NECAB1: variants seen among roughly 807,000 people sequenced by gnomAD.
NECAB1 encodes the protein N-terminal EF-hand calcium-binding protein 1.
Under a neutral mutation model 57.5 loss-of-function variants are expected in NECAB1, and 29 were observed. That is an observed-to-expected ratio of 0.50 (90% CI 0.38 to 0.69). The LOEUF (loss-of-function observed/expected upper bound fraction) is 0.69, where lower values mean the gene tolerates loss of function less well. NECAB1 is among the 30% of genes least tolerant of loss of function. The pLI, the probability that NECAB1 is intolerant of heterozygous loss-of-function variation, is 0.00. For synonymous variants in NECAB1, 142 were observed against 147.7 expected (o/e 0.96, Z 0.28); for missense variants, 372 against 413.8 (o/e 0.90, Z 0.88).
intron 2 of NECAB1, among the ~76,000 whole-genome samples, chr8:90,818,936 TG>T: frequency 6.6e-6 from 1 of 152,152 alleles, no homozygotes; most frequent in East Asian, 1.9e-4. Flanking sequence ...TATGCATTGT[TG>T]TTTCAGAAAG....
intron 9 of NECAB1, among the ~76,000 whole-genome samples, chr8:90,937,773 T>G (rs969846969): frequency 3.9e-5 from 6 of 152,224 alleles, no homozygotes; most frequent in Non-Finnish European, 8.8e-5. Flanking sequence ...TGTAATACAC[T>G]AAAATAGCTT....
At chr8:90,794,569 A>T (rs188638372) in intron 1 of NECAB1, among the ~76,000 whole-genome samples, 326 of 152,306 alleles carry the variant, frequency 2.1e-3, no homozygotes, top group African/African-American at 7.4e-3. Flanking sequence ...TAATGACATG[A>T]TACATGACCA....
At chr8:90,929,191 T>C (rs1000421231) in intron 8 of NECAB1, among the ~76,000 whole-genome samples, 4 of 152,142 alleles carry the variant, frequency 2.6e-5, no homozygotes, top group African/African-American at 9.7e-5. Flanking sequence ...GACCGAGACA[T>C]GTTAAAGGAA....
chr8:90,824,469 A>C (rs1812192604), intron 2 of NECAB1, among the ~76,000 whole-genome samples: 1 of 151,864 alleles, frequency 6.6e-6, no homozygotes, highest in African/African-American at 2.4e-5. Flanking sequence ...AATGTTTGTC[A>C]TGTGAATAAA....
At chr8:90,892,277 A>G (rs1363266094) in intron 5 of NECAB1, among the ~76,000 whole-genome samples, 1 of 152,020 alleles carries the variant, frequency 6.6e-6, no homozygotes, top group Non-Finnish European at 1.5e-5. Flanking sequence ...TTTTTTCTCT[A>G]TTGTGGGAGA....
At chr8:90,816,080 AT>A (rs1386672523) in intron 2 of NECAB1, among the ~76,000 whole-genome samples, 1 of 151,794 alleles carries the variant, frequency 6.6e-6, no homozygotes, top group Non-Finnish European at 1.5e-5. Context: ...TTTGTATCTC[AT>A]TACTGTTTAA....
At position 90,807,245 on chromosome 8, in the gene NECAB1, T is replaced by C. The variant is rs369911271; in HGVS notation, c.124+5530T>C. Among the ~76,000 whole-genome samples, 21 of 152,380 alleles carry C rather than the reference T, an allele frequency of 1.4e-4. No homozygotes were observed. The South Asian group carries it at 2.9e-3, about 21-fold the overall frequency. ...AATCCTAGCCTAAGAATAGTTGATG[T>C]AGTATTTATGTATTTAGAGATACTT... On this transcript the variant is annotated intron_variant, in intron 2 of 12. Transcript: ENST00000417640.
chr8:90,896,729 A>G lies in NECAB1; in HGVS notation c.357+15599A>G, dbSNP rs149347179. Among the ~76,000 whole-genome samples, 585 of 151,916 alleles carry G rather than the reference A, an allele frequency of 3.9e-3. 4 individuals are homozygous for G. Among genetic ancestry groups the G allele is most frequent in the African/African-American group, 0.014 (562 of 41,426 alleles). ...GTAAAGCAATCTTTTTCGATTATCTACTCCACCCTGACTCATCCTGATTAC... is the reference window on the plus strand; with the variant it reads ...GTAAAGCAATCTTTTTCGATTATCTGCTCCACCCTGACTCATCCTGATTAC... On this transcript the variant is annotated intron_variant, in intron 5 of 12. Coordinates refer to ENST00000417640, the MANE Select transcript of NECAB1 (RefSeq NM_022351.5).
intron 5 of NECAB1, among the ~76,000 whole-genome samples, chr8:90,916,632 G>T (rs1470168680): frequency 6.6e-6 from 1 of 152,126 alleles, no homozygotes; most frequent in African/African-American, 2.4e-5. Flanking sequence ...GATTTCACTG[G>T]CTGGTCCCAT....
At chr8:90,794,104 A>G (rs577813989) in intron 1 of NECAB1, among the ~76,000 whole-genome samples, 230 of 152,308 alleles carry the variant, frequency 1.5e-3, no homozygotes, top group African/African-American at 5.4e-3. Context: ...GCTAGAGTCT[A>G]CAAAAAAAAC....
At chr8:90,835,158 C>G (rs1026522559) in intron 3 of NECAB1, among the ~76,000 whole-genome samples, 1 of 152,096 alleles carries the variant, frequency 6.6e-6, no homozygotes, top group Admixed American at 6.6e-5. Flanking sequence ...CTAAATTCCA[C>G]GAAGGCAGAG....
At position 90,934,323 on chromosome 8, in the gene NECAB1, CAGA is replaced by C. The variant is rs1050858426; in HGVS notation, c.721_723del (p.Glu241del). On this transcript the variant is annotated inframe_deletion, in exon 9 of 13. Coordinates refer to ENST00000417640, the MANE Select transcript of NECAB1 (RefSeq NM_022351.5). ...TTGAAGGATCTCAAACTCGAACCACCAGAAGAAGAAATTATTGAAGGGAATACT... is the reference window on the plus strand; with the variant it reads ...TTGAAGGATCTCAAACTCGAACCACCAGAAGAAATTATTGAAGGGAATACT... 2.0e-6 allele frequency: 3 copies of C among 1,515,252 alleles called. No homozygotes were observed. The highest frequency in any genetic ancestry group is 4.4e-5 in the Admixed American group (2 of 45,438). 93.9% of individuals were successfully genotyped at this position (1,515,252 alleles called of 1,614,324 possible).
chr8:90,860,554 A>T (rs760617128), intron 3 of NECAB1, among the ~76,000 whole-genome samples: 1 of 152,208 alleles, frequency 6.6e-6, no homozygotes, highest in African/African-American at 2.4e-5. Flanking sequence ...TAGATTTAGG[A>T]CATCCTCAGA....
At chr8:90,906,889 A>ATATATATATATATGTATATATATATG (rs1586111008) in intron 5 of NECAB1, among the ~76,000 whole-genome samples, 981 of 72,842 alleles carry the variant, frequency 0.013, 29 homozygotes, top group African/African-American at 0.052. Context: ...ATATATATAT[A>ATATATATATATATGTATATATATATG]TATATATATA....
chr8:90,956,946 G>A lies in NECAB1; in HGVS notation c.*1434G>A, dbSNP rs1031373770. ...TTTGATATATTGTACATACACACGTGTGTGTGTGTGTGTGTGTGTGTGTGT... is the reference window on the plus strand; with the variant it reads ...TTTGATATATTGTACATACACACGTATGTGTGTGTGTGTGTGTGTGTGTGT... On this transcript the variant is annotated 3_prime_UTR_variant, in exon 13 of 13. Coordinates refer to ENST00000417640, the MANE Select transcript of NECAB1 (RefSeq NM_022351.5). 2.0e-5 allele frequency: 1 copy of A among 49,966 alleles called. No homozygotes were observed. Among genetic ancestry groups the A allele is most frequent in the African/African-American group, 9.2e-5 (1 of 10,812 alleles). 3.1% of individuals were successfully genotyped at this position (49,966 alleles called of 1,614,324 possible). A position where few individuals can be genotyped will look rare whatever the true frequency, so the allele number is the denominator to read the frequency against.
At position 90,957,441 on chromosome 8, in the gene NECAB1, C is replaced by G. The variant is rs1055146; in HGVS notation, c.*1929C>G. 2.0e-5 allele frequency: 3 copies of G among 151,416 alleles called. No individual in the cohort carries two copies. The highest frequency in any genetic ancestry group is 4.4e-5 in the Non-Finnish European group (3 of 67,706). The allele number at this position is 151,416 out of a possible 1,614,324, so 9.4% of individuals were successfully genotyped here. On this transcript the variant is annotated 3_prime_UTR_variant, in exon 13 of 13. Transcript: ENST00000417640. Reference sequence around the variant, plus strand: ...GTGGAAGGGATCTGCAGATTCCAAACTGGAATAAGCTCTATCATATTCTGA... The same window carrying G: ...GTGGAAGGGATCTGCAGATTCCAAAGTGGAATAAGCTCTATCATATTCTGA...
chr8:90,911,676 T>A (rs1041230670), intron 5 of NECAB1, among the ~76,000 whole-genome samples: 15 of 152,068 alleles, frequency 9.9e-5, no homozygotes, highest in African/African-American at 3.6e-4. Context: ...TCAGGAAAAT[T>A]AATATTTGTG....
chr8:90,829,475 T>G (rs1455585835), intron 3 of NECAB1, among the ~76,000 whole-genome samples: 2 of 152,058 alleles, frequency 1.3e-5, no homozygotes, highest in East Asian at 3.9e-4. Flanking sequence ...CACTGCACTT[T>G]GGAGTTCCAG....
At chr8:90,862,929 T>G (rs914285447) in intron 3 of NECAB1, among the ~76,000 whole-genome samples, 1 of 152,156 alleles carries the variant, frequency 6.6e-6, no homozygotes, top group Admixed American at 6.6e-5. Flanking sequence ...ATCTTCCTTC[T>G]CTTTCACTTA....
Sources: allele counts gnomAD v4.1 joint callset (sites outside exome capture counted in the v4.1 genomes callset), GRCh38; gene constraint gnomAD v4.1.1; transcripts MANE v1.5; gene names NCBI Gene and HGNC (gene_info 2026-07-23, HGNC 2026-07-21).